The following MIR2052HG variants were observed in gnomAD, a reference collection of about 807,000 sequenced individuals.
The protein encoded by MIR2052HG is MIR2052 host gene.
intron 1 of MIR2052HG, among the ~76,000 whole-genome samples, chr8:74,610,583 A>T (rs968543655): frequency 1.3e-5 from 2 of 152,060 alleles, no homozygotes; most frequent in Middle Eastern, 6.8e-3. Flanking sequence ...GAAGACTTAC[A>T]TTTCCTGCCT....
chr8:74,748,330 G>A (rs370210078), intron 4 of MIR2052HG, among the ~76,000 whole-genome samples: 2 of 152,178 alleles, frequency 1.3e-5, no homozygotes, highest in Non-Finnish European at 2.9e-5. Flanking sequence ...AAAAGTCCAG[G>A]AGTACCAGCT....
intron 4 of MIR2052HG, among the ~76,000 whole-genome samples, chr8:74,734,561 G>A (rs944030118): frequency 6.6e-6 from 1 of 152,170 alleles, no homozygotes; most frequent in Non-Finnish European, 1.5e-5. Context: ...AAGCCCTGTA[G>A]GTCATTATCT....
At chr8:74,738,665 T>A (rs1809795630) in intron 4 of MIR2052HG, among the ~76,000 whole-genome samples, 1 of 152,208 alleles carries the variant, frequency 6.6e-6, no homozygotes, top group Non-Finnish European at 1.5e-5. Flanking sequence ...ATTAACAGTT[T>A]TTTTCTTTGT....
chr8:74,712,962 TA>T (rs1809484815), intron 4 of MIR2052HG, among the ~76,000 whole-genome samples: 1 of 152,088 alleles, frequency 6.6e-6, no homozygotes, highest in African/African-American at 2.4e-5. Flanking sequence ...TGTGTGTTGA[TA>T]ATAAAGGAAA....
At chr8:74,686,476 G>A (rs1809182198) in intron 2 of MIR2052HG, among the ~76,000 whole-genome samples, 1 of 151,980 alleles carries the variant, frequency 6.6e-6, no homozygotes, top group Admixed American at 6.6e-5. Context: ...TTTACTGAGT[G>A]CCAGCTATAT....
intron 1 of MIR2052HG, among the ~76,000 whole-genome samples, chr8:74,602,876 T>TCTTTCTTTCTTTTCTTTCTTTCTTTC (rs1554570015): frequency 2.4e-4 from 33 of 137,140 alleles, no homozygotes; most frequent in Middle Eastern, 3.8e-3. Flanking sequence ...TTTCTTTCTT[T>TCTTTCTTTCTTTTCTTTCTTTCTTTC]TTTCTATTCA....
intron 4 of MIR2052HG, among the ~76,000 whole-genome samples, chr8:74,716,210 C>G (rs1194170480): frequency 6.6e-6 from 1 of 151,966 alleles, no homozygotes; most frequent in African/African-American, 2.4e-5. Flanking sequence ...ATCTCTGGGC[C>G]ATGCAGCCCA....
chr8:74,696,944 G>A (rs1441108182), intron 2 of MIR2052HG, among the ~76,000 whole-genome samples: 2 of 151,840 alleles, frequency 1.3e-5, no homozygotes, highest in South Asian at 2.1e-4. Flanking sequence ...GATAGAGAAA[G>A]AGGGAATCCT....
Position 74,661,957 on chromosome 8 carries a change from C to T in MIR2052HG, n.217-40422C>T, listed in dbSNP as rs553167893. 2.0e-5 allele frequency among the ~76,000 whole-genome samples: 3 copies of T among 152,280 alleles called. No individual in the cohort carries two copies. The East Asian group carries it at 5.8e-4, about 29-fold the overall frequency. On this transcript the variant is annotated intron_variant and non_coding_transcript_variant, in intron 2 of 6. Coordinates refer to ENST00000523442, the Ensembl canonical transcript of MIR2052HG. ...AGACTAATTGTAAGAAAAAAATCGG[C>T]AAACATTACCAGTGACAAAAATATA...
chr8:74,620,346 C>G (rs912710619), intron 2 of MIR2052HG, among the ~76,000 whole-genome samples: 10 of 152,182 alleles, frequency 6.6e-5, no homozygotes, highest in African/African-American at 1.4e-4. Context: ...TCTCATAGCT[C>G]CTCTAGGCAG....
At chr8:74,666,610 CT>C (rs1449012467) in intron 2 of MIR2052HG, among the ~76,000 whole-genome samples, 1 of 152,118 alleles carries the variant, frequency 6.6e-6, no homozygotes, top group African/African-American at 2.4e-5. Context: ...GAATGAATGT[CT>C]TGTAGACCTT....
chr8:74,618,717 C>G (rs904832423), intron 2 of MIR2052HG, among the ~76,000 whole-genome samples: 1 of 152,134 alleles, frequency 6.6e-6, no homozygotes, highest in African/African-American at 2.4e-5. Context: ...TAAAGATTTT[C>G]CTGTGAGATA....
intron 2 of MIR2052HG, among the ~76,000 whole-genome samples, chr8:74,642,604 A>T (rs1357666473): frequency 2.0e-5 from 3 of 152,184 alleles, no homozygotes; most frequent in African/African-American, 4.8e-5. Context: ...ATATTTGCTA[A>T]CTGTTGGGAA....
intron 1 of MIR2052HG, among the ~76,000 whole-genome samples, chr8:74,610,790 A>G (rs1378416020): frequency 6.6e-6 from 1 of 152,030 alleles, no homozygotes. Context: ...ATTCAATTGA[A>G]TAACAATTGA....
intron 2 of MIR2052HG, among the ~76,000 whole-genome samples, chr8:74,643,442 A>G (rs1217542996): frequency 6.6e-6 from 1 of 152,180 alleles, no homozygotes; most frequent in Non-Finnish European, 1.5e-5. Context: ...GGAAAAGATG[A>G]ATTTGTTTTT....
chr8:74,612,473 A>C (rs953978338), intron 1 of MIR2052HG: 9 of 168,890 alleles, frequency 5.3e-5, no homozygotes, highest in Non-Finnish European at 1.2e-4. Flanking sequence ...GGTTGAGAGA[A>C]TAACTGTAGT....
At chr8:74,611,754 C>T (rs1808199280) in intron 1 of MIR2052HG, among the ~76,000 whole-genome samples, 1 of 152,212 alleles carries the variant, frequency 6.6e-6, no homozygotes, top group African/African-American at 2.4e-5. Context: ...CTTTATGGCT[C>T]CTCATGTAAA....
At chr8:74,722,975 T>G (rs1809594577) in intron 4 of MIR2052HG, among the ~76,000 whole-genome samples, 1 of 152,226 alleles carries the variant, frequency 6.6e-6, no homozygotes, top group African/African-American at 2.4e-5. Flanking sequence ...GTTGTCCAGC[T>G]TGTGTGTTAA....
intron 4 of MIR2052HG, chr8:74,752,383 G>T (rs1225422365): frequency 2.3e-6 from 1 of 439,048 alleles, no homozygotes; most frequent in Non-Finnish European, 4.5e-6. Context: ...ATAATCCTTA[G>T]CATTTGATCA....
Sources: gnomAD v4.1 joint callset for allele counts (sites outside exome capture counted in the v4.1 genomes callset) on GRCh38, gnomAD v4.1.1 for gene constraint, MANE v1.5 for transcripts, NCBI Gene and HGNC (gene_info 2026-07-23, HGNC 2026-07-21) for gene names.